DNM1L: variants seen among roughly 807,000 people sequenced by gnomAD.
The protein encoded by DNM1L is dynamin 1L.
In DNM1L, 33 loss-of-function variants were observed where a neutral mutation model predicts 92.8. The observed-to-expected ratio is 0.36, with a 90% confidence interval of 0.27 to 0.48. DNM1L has a LOEUF of 0.48. DNM1L is among the 20% of genes least tolerant of loss of function. DNM1L has a pLI of 0.99. For missense variants in DNM1L, 485 were observed against 888.8 expected, an observed-to-expected ratio of 0.55 and a Z score of 5.78; for synonymous variants, 284 against 305.0, an observed-to-expected ratio of 0.93 and a Z score of 0.72.
chr12:32,717,039 A>G (rs1361516064), intron 6 of DNM1L, among the ~76,000 whole-genome samples: 1 of 140,558 alleles, frequency 7.1e-6, no homozygotes, highest in East Asian at 2.0e-4. Context: ...AATTTTACCT[A>G]TGGTATTTTT....
At chr12:32,740,367 G>A in intron 17 of DNM1L, 42 bp from the exon 18 acceptor site, 2 of 1,609,044 alleles carry the variant, frequency 1.2e-6, no homozygotes, top group Non-Finnish European at 1.7e-6. Flanking sequence ...TGCCATTTTA[G>A]TGTCACAAAA....
intron 6 of DNM1L, 131 bp from the exon 7 acceptor site, chr12:32,718,512 C>G: frequency 1.7e-6 from 2 of 1,166,054 alleles, no homozygotes. Flanking sequence ...TAAGGCATTA[C>G]CAAAATGATG....
intron 1 of DNM1L, among the ~76,000 whole-genome samples, chr12:32,683,567 T>C (rs1347057731): frequency 6.6e-6 from 1 of 151,958 alleles, no homozygotes; most frequent in African/African-American, 2.4e-5. Context: ...TTTTTAGAGA[T>C]GGAGTCTTGC....
At chr12:32,722,370 T>G in intron 8 of DNM1L, 57 bp from the exon 9 acceptor site, 4 of 1,492,284 alleles carry the variant, frequency 2.7e-6, no homozygotes, top group Non-Finnish European at 3.7e-6. Flanking sequence ...TTGACTTGTT[T>G]AGGGCTTTAG....
chr12:32,686,814 A>G (rs1565487050), intron 1 of DNM1L, among the ~76,000 whole-genome samples: 1 of 152,062 alleles, frequency 6.6e-6, no homozygotes, highest in Non-Finnish European at 1.5e-5. Flanking sequence ...GTTTTTGATT[A>G]TAGTCATCCT....
chr12:32,708,308 T>G (rs1050150208), intron 4 of DNM1L, 84 bp downstream of exon 4: 1 of 875,960 alleles, frequency 1.1e-6, no homozygotes, highest in Non-Finnish European at 1.9e-6. Context: ...TGAAGGGCAT[T>G]GTAAATTCCT....
At chr12:32,733,413 T>C in intron 12 of DNM1L, 1 of 285,328 alleles carries the variant, frequency 3.5e-6, no homozygotes, top group Non-Finnish European at 6.6e-6. Flanking sequence ...TGTTGGAATT[T>C]AGATTTGCAT....
At chr12:32,729,253 T>C (rs183017375) in intron 9 of DNM1L, among the ~76,000 whole-genome samples, 4 of 152,058 alleles carry the variant, frequency 2.6e-5, no homozygotes, top group African/African-American at 9.6e-5. Flanking sequence ...GGCTAATTTT[T>C]TGTATTTTTA....
At chr12:32,726,612 TC>T in intron 9 of DNM1L, 1 of 1,087,258 alleles carries the variant, frequency 9.2e-7, no homozygotes, top group South Asian at 1.4e-5. Context: ...TTCAGCATCA[TC>T]ATCCAGATCT....
In DNM1L at chr12:32,735,660, C is replaced by A. The variant is rs369521873; in HGVS notation, c.1540-1445C>A. ...CTTTGGTAGGCCGAGGCAGGCTGAT[C>A]ACCTGAGGTCAGGAGTTCAAGTCTA... On this transcript the variant is annotated intron_variant, in intron 13 of 19. Coordinates refer to ENST00000549701, the MANE Select transcript of DNM1L (RefSeq NM_012062.5). Among the ~76,000 whole-genome samples, 8 of 152,162 alleles carry A rather than the reference C, an allele frequency of 5.3e-5. No individual in the cohort carries two copies. In the East Asian group the frequency reaches 9.7e-4, roughly 18 times the overall value.
At position 32,740,250 on chromosome 12, in the gene DNM1L, G is replaced by T; in HGVS notation, c.1884+10G>T. ...GAACCTGCTAGATGTGGTAAGCCATGACAATTTGGTTTAGGTAATAAGGTA... is the reference window on the plus strand; with the variant it reads ...GAACCTGCTAGATGTGGTAAGCCATTACAATTTGGTTTAGGTAATAAGGTA... On this transcript the variant is annotated intron_variant, in intron 17 of 19. Coordinates refer to ENST00000549701, the MANE Select transcript of DNM1L (RefSeq NM_012062.5). 6.2e-7 allele frequency: 1 copy of T among 1,614,134 alleles called. No individual in the cohort carries two copies.
At position 32,744,642 on chromosome 12, in the gene DNM1L, G is replaced by A. The variant is rs1565552074; in HGVS notation, c.*1232G>A. 1.0e-5 allele frequency: 3 copies of A among 300,680 alleles called. No individual in the cohort carries two copies. Among genetic ancestry groups the A allele is most frequent in the Non-Finnish European group, 1.9e-5 (3 of 156,710 alleles). The allele number at this position is 300,680 out of a possible 1,614,324, so 18.6% of individuals were successfully genotyped here. On this transcript the variant is annotated 3_prime_UTR_variant, in exon 20 of 20. Transcript: ENST00000549701. ...GCAGGAGAATTGCTTGACCCTGGGAGGTGGAGGTTGTGGTGAGCTAAGATC... is the reference window on the plus strand; with the variant it reads ...GCAGGAGAATTGCTTGACCCTGGGAAGTGGAGGTTGTGGTGAGCTAAGATC...
intron 1 of DNM1L, among the ~76,000 whole-genome samples, chr12:32,684,941 A>ATT (rs113634833): frequency 0.14 from 19,313 of 137,444 alleles, 1,401 homozygotes; most frequent in Middle Eastern, 0.17. Context: ...GTGAATGTGT[A>ATT]TTTTTTTTTT....
At chr12:32,738,074 T>TA in intron 15 of DNM1L, 132 bp downstream of exon 15, 6 of 1,099,176 alleles carry the variant, frequency 5.5e-6, no homozygotes, top group Non-Finnish European at 7.9e-6. Context: ...TTTAGTCTAA[T>TA]ATATATTTTA....
chr12:32,708,270 A>G (rs778671384), intron 4 of DNM1L, 46 bp downstream of exon 4: 3 of 1,213,282 alleles, frequency 2.5e-6, no homozygotes, highest in South Asian at 1.2e-5. Flanking sequence ...CAGTAAATAT[A>G]TAATTGAGGT....
chr12:32,739,617 C>T (rs117818338), intron 16 of DNM1L, among the ~76,000 whole-genome samples: 2 of 152,298 alleles, frequency 1.3e-5, no homozygotes, highest in East Asian at 3.9e-4. Context: ...CTCTTAAGTT[C>T]AGAGACGTAA....
rs1190359081 is a variant in DNM1L, at chr12:32,709,940, C to T, written c.370-989C>T. On this transcript the variant is annotated intron_variant, in intron 4 of 19. Coordinates refer to ENST00000549701, the MANE Select transcript of DNM1L (RefSeq NM_012062.5). ...AATGTGGAGTAAAGGATATTAAAAACTTGCTGGGAAATTAGAATTTTCAGT... is the reference window on the plus strand; with the variant it reads ...AATGTGGAGTAAAGGATATTAAAAATTTGCTGGGAAATTAGAATTTTCAGT... Among the ~76,000 whole-genome samples the T allele has an allele frequency of 4.6e-5, 7 of 152,102 alleles. No individual in the cohort carries two copies. In the East Asian group the frequency reaches 1.2e-3, roughly 25 times the overall value.
At position 32,713,292 on chromosome 12, in the gene DNM1L, T is replaced by A. The variant is rs1294139583; in HGVS notation, c.540T>A (p.Ile180=). Reference sequence around the variant, plus strand: ...GGTTCATCAGTAATCCTAATTCCATTATCCTCGCTGTCACTGCTGCTAATA... The same window carrying A: ...GGTTCATCAGTAATCCTAATTCCATAATCCTCGCTGTCACTGCTGCTAATA... ...ILRFISNPNS[I]ILAVTAANTD... is the part of the protein sequence containing the mutation. Residue 180 remains isoleucine, a synonymous_variant, in exon 6 of 20, where the codon ATT becomes ATA. Transcript: ENST00000549701. 6.2e-7 allele frequency: 1 copy of A among 1,613,860 alleles called. No individual in the cohort carries two copies. The highest frequency in any genetic ancestry group is 8.5e-7 in the Non-Finnish European group (1 of 1,179,950).
intron 13 of DNM1L, among the ~76,000 whole-genome samples, chr12:32,736,700 G>A (rs1954906690): frequency 6.6e-6 from 1 of 152,258 alleles, no homozygotes; most frequent in Admixed American, 6.5e-5. Flanking sequence ...AAGGCTTTGC[G>A]GAGTTTTCTG....
Sources: allele counts gnomAD v4.1 joint callset (sites outside exome capture counted in the v4.1 genomes callset), GRCh38; gene constraint gnomAD v4.1.1; transcripts MANE v1.5; gene names NCBI Gene and HGNC (gene_info 2026-07-23, HGNC 2026-07-21).